The following CTNNA3 variants were observed in gnomAD, a reference collection of about 807,000 sequenced individuals.
CTNNA3 encodes the protein catenin alpha 3, also known as catenin alpha-3.
A neutral mutation model predicts 95.7 loss-of-function variants in CTNNA3; 76 were observed. The observed-to-expected ratio is 0.79, with a 90% CI of 0.66 to 0.96. CTNNA3 has a LOEUF of 0.96. CTNNA3 is among the 40% of genes least tolerant of loss of function. The pLI is 0.00. For synonymous variants in CTNNA3, 431 were observed against 374.4 expected (o/e 1.15, Z -1.74); for missense variants, 1,191 against 1,089.8 (o/e 1.09, Z -1.31).
At chr10:67,388,975 A>G (rs1844323833) in intron 5 of CTNNA3, among the ~76,000 whole-genome samples, 1 of 152,176 alleles carries the variant, frequency 6.6e-6, no homozygotes, top group African/African-American at 2.4e-5. Context: ...TGTAAAGACC[A>G]TCAAGACTAG....
chr10:67,196,155 G>A (rs1219162237), intron 6 of CTNNA3, among the ~76,000 whole-genome samples: 1 of 151,988 alleles, frequency 6.6e-6, no homozygotes, highest in Non-Finnish European at 1.5e-5. Context: ...TATTGAGAGA[G>A]CTCATAGACT....
intron 1 of CTNNA3, among the ~76,000 whole-genome samples, chr10:67,726,318 T>TATGATATCTTACATATTATATATG (rs373179754): frequency 1.4e-5 from 1 of 70,586 alleles, no homozygotes; most frequent in African/African-American, 6.1e-5. Flanking sequence ...ACATATTATA[T>TATGATATCTTACATATTATATATG]ATATTATCTT....
chr10:66,019,089 T>C (rs146075666), intron 15 of CTNNA3, among the ~76,000 whole-genome samples: 1 of 152,262 alleles, frequency 6.6e-6, no homozygotes, highest in East Asian at 1.9e-4. Context: ...GAAAATGTCA[T>C]ATGTTATCTA....
chr10:66,737,602 T>C (rs997588245), intron 9 of CTNNA3, among the ~76,000 whole-genome samples: 8 of 152,160 alleles, frequency 5.3e-5, no homozygotes, highest in African/African-American at 1.7e-4. Context: ...TGAGACTCCA[T>C]ATAAGTGACT....
intron 12 of CTNNA3, among the ~76,000 whole-genome samples, chr10:66,316,673 G>A (rs959852575): frequency 2.6e-5 from 4 of 151,964 alleles, no homozygotes; most frequent in Admixed American, 1.3e-4. Flanking sequence ...GAGAATGTGC[G>A]AATTCCACAC....
chr10:66,613,169 C>T (rs1469724259), intron 10 of CTNNA3, among the ~76,000 whole-genome samples: 1 of 152,076 alleles, frequency 6.6e-6, no homozygotes, highest in Non-Finnish European at 1.5e-5. Context: ...TAATTCTAGG[C>T]TATGTACTTT....
At chr10:66,239,506 T>C (rs556637460) in intron 13 of CTNNA3, among the ~76,000 whole-genome samples, 270 of 152,034 alleles carry the variant, frequency 1.8e-3, no homozygotes, top group Non-Finnish European at 2.1e-3. Context: ...AAAAGCCTAA[T>C]AGATTAGGCA....
chr10:66,594,572 T>C (rs912373752), intron 10 of CTNNA3, among the ~76,000 whole-genome samples: 1 of 152,196 alleles, frequency 6.6e-6, no homozygotes, highest in African/African-American at 2.4e-5. Flanking sequence ...TTTGCATTTG[T>C]TTCTTCTGCC....
intron 12 of CTNNA3, among the ~76,000 whole-genome samples, chr10:66,322,748 T>C (rs1473958984): frequency 6.6e-6 from 1 of 152,056 alleles, no homozygotes; most frequent in Non-Finnish European, 1.5e-5. Context: ...TGCACTTAAG[T>C]GTCAACCTTA....
chr10:66,210,417 C>G (rs2088070221), intron 13 of CTNNA3, among the ~76,000 whole-genome samples: 1 of 151,616 alleles, frequency 6.6e-6, no homozygotes, highest in Non-Finnish European at 1.5e-5. Context: ...TAAGGGAGTA[C>G]TACTTTTTAA....
chr10:66,751,301 G>T (rs1426789127), intron 9 of CTNNA3, among the ~76,000 whole-genome samples: 1 of 151,988 alleles, frequency 6.6e-6, no homozygotes, highest in Admixed American at 6.6e-5. Flanking sequence ...CTTGTTTGTT[G>T]CTAGTATATA....
chr10:67,381,451 A>G (rs1161723793), intron 5 of CTNNA3, among the ~76,000 whole-genome samples: 1 of 152,142 alleles, frequency 6.6e-6, no homozygotes, highest in Non-Finnish European at 1.5e-5. Flanking sequence ...CCTTCTGAAA[A>G]TGAAAAAAAA....
chr10:66,795,628 G>A (rs897308235), intron 7 of CTNNA3, among the ~76,000 whole-genome samples: 2 of 152,150 alleles, frequency 1.3e-5, no homozygotes, highest in African/African-American at 2.4e-5. Flanking sequence ...ACAACAGAGT[G>A]AGCTTGTCCT....
chr10:67,648,718 C>T (rs990458550), intron 1 of CTNNA3: 4 of 1,288,644 alleles, frequency 3.1e-6, no homozygotes, highest in Non-Finnish European at 4.0e-6. Flanking sequence ...AGTCAAAGCC[C>T]TACAATTTAG....
chr10:66,449,963 A>G (rs979079370), intron 11 of CTNNA3, among the ~76,000 whole-genome samples: 1 of 152,124 alleles, frequency 6.6e-6, no homozygotes, highest in Non-Finnish European at 1.5e-5. Flanking sequence ...TGGGGAATAA[A>G]ATTAAGTTAT....
At chr10:67,132,217 A>C (rs1860047383) in intron 7 of CTNNA3, among the ~76,000 whole-genome samples, 1 of 152,098 alleles carries the variant, frequency 6.6e-6, no homozygotes, top group African/African-American at 2.4e-5. Context: ...TACATTGCAA[A>C]GCATTAAGTG....
intron 9 of CTNNA3, among the ~76,000 whole-genome samples, chr10:66,762,511 G>A (rs1839641214): frequency 6.6e-6 from 1 of 151,720 alleles, no homozygotes; most frequent in Non-Finnish European, 1.5e-5. Context: ...CATTACCCAT[G>A]ATCATTTTAT....
At chr10:67,066,989 T>C (rs1480966132) in intron 7 of CTNNA3, among the ~76,000 whole-genome samples, 1 of 152,150 alleles carries the variant, frequency 6.6e-6, no homozygotes, top group East Asian at 1.9e-4. Context: ...CAGAGTGAAA[T>C]TTATGTTTTT....
chr10:66,115,571 C>T (rs10996906), intron 13 of CTNNA3, among the ~76,000 whole-genome samples: 9,478 of 87,018 alleles, frequency 0.11, 389 homozygotes, highest in Non-Finnish European at 0.14. Flanking sequence ...GATAGATAGA[C>T]AGATAGATGA....
Sources: allele counts gnomAD v4.1 joint callset (sites outside exome capture counted in the v4.1 genomes callset), GRCh38; gene constraint gnomAD v4.1.1; transcripts MANE v1.5; gene names NCBI Gene and HGNC (gene_info 2026-07-23, HGNC 2026-07-21).